The following PCDH15 variants were observed in gnomAD, a reference collection of about 807,000 sequenced individuals.
PCDH15 encodes the protein protocadherin related 15.
Under a neutral mutation model 178.5 loss-of-function variants are expected in PCDH15, and 129 were observed. The observed-to-expected ratio is 0.72, with a 90% confidence interval of 0.63 to 0.84. The LOEUF is 0.84. Among genes scored for constraint, PCDH15 ranks in the 40% least tolerant of loss-of-function variants. The pLI, the probability that PCDH15 is intolerant of heterozygous loss-of-function variation, is 0.00. For synonymous variants in PCDH15, 800 were observed against 732.0 expected, an observed-to-expected ratio of 1.09 and a Z score of -1.50; for missense variants, 2,230 against 2,099.9, an observed-to-expected ratio of 1.06 and a Z score of -1.21.
chr10:54,776,932 G>A (rs1325702286), intron 1 of PCDH15, among the ~76,000 whole-genome samples: 4 of 152,108 alleles, frequency 2.6e-5, no homozygotes, highest in African/African-American at 9.7e-5. Flanking sequence ...GAAAGAACTA[G>A]GGAGTGCGAA....
chr10:54,032,752 C>A lies in PCDH15; in HGVS notation c.2221-9555G>T, dbSNP rs374722519. Among the ~76,000 whole-genome samples the A allele has an allele frequency of 7.9e-5, 12 of 152,102 alleles. No individual in the cohort carries two copies. The South Asian group carries it at 1.5e-3, about 18-fold the overall frequency. On this transcript the variant is annotated intron_variant, in intron 18 of 37. Coordinates refer to ENST00000644397, the MANE Select transcript of PCDH15 (RefSeq NM_001384140.1). Reference sequence around the variant, plus strand: ...TTGTCACTATATTAGTCAGTTTTCACAATGCTATAAATAACTTCCCAGAAA... The same window carrying A: ...TTGTCACTATATTAGTCAGTTTTCAAAATGCTATAAATAACTTCCCAGAAA...
chr10:54,667,593 T>C (rs1398020821), intron 1 of PCDH15, among the ~76,000 whole-genome samples: 1 of 152,078 alleles, frequency 6.6e-6, no homozygotes, highest in African/African-American at 2.4e-5. Flanking sequence ...TCTTGCTAAG[T>C]GACTGTAGGT....
intron 2 of PCDH15, among the ~76,000 whole-genome samples, chr10:54,626,961 T>C (rs1016894395): frequency 2.6e-5 from 4 of 152,130 alleles, no homozygotes; most frequent in Admixed American, 6.5e-5. Context: ...ATGTGAGACA[T>C]GGATTTAAAG....
intron 1 of PCDH15, among the ~76,000 whole-genome samples, chr10:54,719,319 CA>C (rs1156414171): frequency 6.6e-6 from 1 of 151,910 alleles, no homozygotes; most frequent in Non-Finnish European, 1.5e-5. Context: ...TAAAAATTAA[CA>C]AAGAGTTTTT....
intron 1 of PCDH15, among the ~76,000 whole-genome samples, chr10:54,787,614 G>C (rs188667709): frequency 2.3e-4 from 35 of 152,074 alleles, no homozygotes; most frequent in African/African-American, 7.0e-4. Context: ...GACAGGATGA[G>C]CCAGTATGGA....
intron 2 of PCDH15, among the ~76,000 whole-genome samples, chr10:55,555,068 G>T (rs1302267774): frequency 6.6e-6 from 1 of 151,960 alleles, no homozygotes; most frequent in Non-Finnish European, 1.5e-5. Context: ...AATTAATAAA[G>T]TAATTTTCTG....
chr10:54,226,472 G>C (rs2053461507), intron 9 of PCDH15, among the ~76,000 whole-genome samples: 1 of 152,170 alleles, frequency 6.6e-6, no homozygotes, highest in African/African-American at 2.4e-5. Context: ...GGCTGAGGCA[G>C]GCAGATCACC....
chr10:55,300,603 T>G (rs1310095138), intron 1 of PCDH15, among the ~76,000 whole-genome samples: 1 of 152,178 alleles, frequency 6.6e-6, no homozygotes. Flanking sequence ...TCATATTTTA[T>G]CTAAATAATG....
intron 2 of PCDH15, among the ~76,000 whole-genome samples, chr10:55,440,758 G>C (rs1839165851): frequency 6.6e-6 from 1 of 152,104 alleles, no homozygotes; most frequent in African/African-American, 2.4e-5. Context: ...AGACATACCT[G>C]AGACTGGGTA....
chr10:54,023,120 T>A lies in PCDH15; in HGVS notation c.2298A>T (p.Thr766=). The stretch of plus-strand genomic sequence containing the variant: ...CTGCTGTGTAAATGCTCCCATTGGA[T>A]GTGATACGAAAAAGATTATTAAAGT... The part of the protein sequence containing the change: ...LGNFNNLFRI[T]SNGSIYTAVK... Residue 766 remains threonine (T), a synonymous_variant, in exon 19 of 38, where the codon ACA becomes ACT. Coordinates refer to ENST00000644397, the MANE Select transcript of PCDH15 (RefSeq NM_001384140.1). 1 of 1,613,944 alleles carries A rather than the reference T, an allele frequency of 6.2e-7. No individual in the cohort carries two copies. The highest frequency in any genetic ancestry group is 8.5e-7 in the Non-Finnish European group (1 of 1,179,898).
chr10:55,435,755 A>C (rs989045909), intron 2 of PCDH15, among the ~76,000 whole-genome samples: 6 of 152,206 alleles, frequency 3.9e-5, no homozygotes, highest in Non-Finnish European at 8.8e-5. Flanking sequence ...TGGGATTTAT[A>C]ACTGTCGTAA....
chr10:54,568,911 A>G (rs184810465), intron 2 of PCDH15, among the ~76,000 whole-genome samples: 9 of 152,178 alleles, frequency 5.9e-5, no homozygotes, highest in Admixed American at 5.9e-4. Flanking sequence ...CATTTTGTAA[A>G]AAATTTTTGA....
chr10:54,271,684 G>C (rs1371144411), intron 8 of PCDH15, among the ~76,000 whole-genome samples: 1 of 152,086 alleles, frequency 6.6e-6, no homozygotes, highest in East Asian at 1.9e-4. Flanking sequence ...AAGTATAAAA[G>C]ATACAGATGA....
intron 3 of PCDH15, among the ~76,000 whole-genome samples, chr10:54,847,281 G>A (rs1953533731): frequency 2.0e-5 from 3 of 152,084 alleles, no homozygotes; most frequent in Admixed American, 6.5e-5. Flanking sequence ...TTTAAATGAA[G>A]TGCTATAAAA....
intron 3 of PCDH15, among the ~76,000 whole-genome samples, chr10:54,388,163 C>T (rs1950136875): frequency 6.6e-6 from 1 of 152,286 alleles, no homozygotes; most frequent in South Asian, 2.1e-4. Flanking sequence ...TGCTACAAGG[C>T]ATTAGGATCA....
At position 54,432,375 on chromosome 10, in the gene PCDH15, A is replaced by G. The variant is rs531314906; in HGVS notation, c.158-53433T>C. 5.9e-5 allele frequency among the ~76,000 whole-genome samples: 9 copies of G among 152,208 alleles called. No homozygotes were observed. In the East Asian group the frequency reaches 1.7e-3, roughly 29 times the overall value. ...AAAGCAGCATGGTCTGGGCATACAAACAGACACATGGACTAATGAAGCAGA... is the reference window on the plus strand; with the variant it reads ...AAAGCAGCATGGTCTGGGCATACAAGCAGACACATGGACTAATGAAGCAGA... On this transcript the variant is annotated intron_variant, in intron 3 of 37. Transcript: ENST00000644397.
At chr10:54,251,411 C>G (rs1466080631) in intron 8 of PCDH15, among the ~76,000 whole-genome samples, 3 of 152,156 alleles carry the variant, frequency 2.0e-5, no homozygotes, top group African/African-American at 7.2e-5. Context: ...GCTTACTTCT[C>G]CTGGTTTATT....
At chr10:55,361,825 G>A (rs936641523) in intron 2 of PCDH15, among the ~76,000 whole-genome samples, 2 of 152,018 alleles carry the variant, frequency 1.3e-5, no homozygotes, top group Admixed American at 6.6e-5. Context: ...AATGTACAGT[G>A]TTATATAGAA....
At chr10:54,351,192 C>T (rs1440756439) in intron 5 of PCDH15, among the ~76,000 whole-genome samples, 1 of 151,848 alleles carries the variant, frequency 6.6e-6, no homozygotes, top group East Asian at 1.9e-4. Context: ...AAACTGTGAA[C>T]AAAGAGACCT....
Sources: allele counts gnomAD v4.1 joint callset (sites outside exome capture counted in the v4.1 genomes callset), GRCh38; gene constraint gnomAD v4.1.1; transcripts MANE v1.5; gene names NCBI Gene and HGNC (gene_info 2026-07-23, HGNC 2026-07-21).